Variants in AARD observed in about 807,000 individuals in gnomAD.
AARD encodes alanine and arginine rich domain containing protein.
AARD carries 9 observed loss-of-function variants against 9.3 expected under a neutral mutation model. The observed-to-expected ratio is 0.97, with a 90% confidence interval of 0.58 to 1.69. The LOEUF is 1.69. Among genes scored for constraint, AARD ranks in the 40% most tolerant of loss-of-function variants. AARD has a pLI of 0.00. For missense variants in AARD, 236 were observed against 210.3 expected (o/e 1.12, Z -0.76); for synonymous variants, 91 against 93.8 (o/e 0.97, Z 0.17).
chr8:116,941,453 G>T (rs1181568762), intron 1 of AARD, among the ~76,000 whole-genome samples: 1 of 152,188 alleles, frequency 6.6e-6, no homozygotes, highest in East Asian at 1.9e-4. Context: ...CTCAAAGTAG[G>T]GCAGGATTAT....
intron 1 of AARD, 85 bp from the exon 2 acceptor site, chr8:116,942,473 C>T: frequency 8.4e-7 from 1 of 1,187,732 alleles, no homozygotes; most frequent in Non-Finnish European, 1.1e-6. Flanking sequence ...CTACAAACTT[C>T]TTATTTCTTC....
intron 1 of AARD, among the ~76,000 whole-genome samples, chr8:116,941,466 A>G (rs1242340330): frequency 6.6e-6 from 1 of 152,180 alleles, no homozygotes; most frequent in Non-Finnish European, 1.5e-5. Flanking sequence ...AGGATTATAG[A>G]GCATCTGGGC....
At chr8:116,939,686 CAT>C (rs1049030033) in intron 1 of AARD, among the ~76,000 whole-genome samples, 1 of 152,216 alleles carries the variant, frequency 6.6e-6, no homozygotes, top group African/African-American at 2.4e-5. Context: ...AGATTGTTAA[CAT>C]GGGTTACATT....
rs1444260794 is a variant in AARD at position 116,943,308 on chromosome 8, G to T, written c.*607G>T. 6.6e-6 allele frequency: 1 copy of T among 152,076 alleles called. No individual in the cohort carries two copies. The allele number at this position is 152,076 out of a possible 1,614,324, so 9.4% of individuals were successfully genotyped here. Reference sequence around the variant, plus strand: ...AAAGAATGCTTTAATGCCAACTTTCGGTATTCAACCTTGTGTCACCTGACC... The same window carrying T: ...AAAGAATGCTTTAATGCCAACTTTCTGTATTCAACCTTGTGTCACCTGACC... On this transcript the variant is annotated 3_prime_UTR_variant, in exon 2 of 2. Transcript: ENST00000378279.
chr8:116,938,506 C>CG lies in AARD; in HGVS notation c.264dup (p.Arg89AlafsTer10). On this transcript the variant is annotated frameshift_variant, in exon 1 of 2. Coordinates refer to ENST00000378279, the MANE Select transcript of AARD (RefSeq NM_001025357.3). LOFTEE classifies it high-confidence loss of function. ...CAGGAGGCGGCGGCGGCGGCGGCGG[C>CG]GCGGGAGGAGCAGAGCTGGACGGGC... The CG allele has an allele frequency of 6.5e-7, 1 of 1,526,896 alleles. No homozygotes were observed. Among genetic ancestry groups the CG allele is most frequent in the Non-Finnish European group, 8.8e-7 (1 of 1,142,818 alleles). The allele number at this position is 1,526,896 out of a possible 1,614,324, so 94.6% of individuals were successfully genotyped here.
chr8:116,942,536 T>G, intron 1 of AARD, 22 bp from the exon 2 acceptor site: 1 of 1,588,580 alleles, frequency 6.3e-7, no homozygotes, highest in Non-Finnish European at 8.6e-7. Context: ...TAATAAAATT[T>G]TTATTTTTTT....
At chr8:116,939,940 A>G (rs16889296) in intron 1 of AARD, among the ~76,000 whole-genome samples, 1,776 of 152,312 alleles carry the variant, frequency 0.012, 36 homozygotes, top group African/African-American at 0.041. Context: ...ACTCATATTT[A>G]AATCAGATGA....
intron 1 of AARD, among the ~76,000 whole-genome samples, chr8:116,939,571 G>T (rs985545686): frequency 1.3e-5 from 2 of 152,206 alleles, no homozygotes; most frequent in African/African-American, 4.8e-5. Context: ...GGCAGAGGCT[G>T]CAGTGGGCTG....
Sources: allele counts gnomAD v4.1 joint callset (sites outside exome capture counted in the v4.1 genomes callset), GRCh38; gene constraint gnomAD v4.1.1; transcripts MANE v1.5; gene names NCBI Gene and HGNC (gene_info 2026-07-23, HGNC 2026-07-21).